The following ETV6 variants were observed in gnomAD, a reference collection of about 807,000 sequenced individuals.
ETV6 encodes the protein transcription factor ETV6.
In ETV6, 16 loss-of-function variants were observed where a neutral mutation model predicts 51.1. The ratio of observed to expected loss-of-function variants is 0.31; its 90% CI spans 0.21 to 0.48. The LOEUF (loss-of-function observed/expected upper bound fraction) is 0.48. Ranked by LOEUF, ETV6 falls within the 20% of genes least tolerant of loss-of-function variation. ETV6 has a pLI of 0.99. For synonymous variants in ETV6, 240 were observed against 224.1 expected (o/e 1.07, Z -0.64); for missense variants, 458 against 594.8 (o/e 0.77, Z 2.39).
chr12:11,672,999 A>G (rs1349416989), intron 1 of ETV6, among the ~76,000 whole-genome samples: 2 of 152,198 alleles, frequency 1.3e-5, no homozygotes, highest in African/African-American at 4.8e-5. Context: ...TAGCCTTTTC[A>G]CTGACTGGAG....
intron 2 of ETV6, among the ~76,000 whole-genome samples, chr12:11,826,913 C>T (rs937869414): frequency 6.6e-6 from 1 of 151,972 alleles, no homozygotes; most frequent in African/African-American, 2.4e-5. Flanking sequence ...GGATTAGTAA[C>T]CTTTACAACT....
In ETV6 at chr12:11,649,999, C is replaced by G; in HGVS notation, c.-129C>G. 1 of 890,192 alleles carries G rather than the reference C, an allele frequency of 1.1e-6. No homozygotes were observed. Among genetic ancestry groups the G allele is most frequent in the Non-Finnish European group, 1.8e-6 (1 of 545,890 alleles). 55.1% of individuals were successfully genotyped at this position (890,192 alleles called of 1,614,324 possible). A position where few individuals can be genotyped will look rare whatever the true frequency, so the allele number is the denominator to read the frequency against. On this transcript the variant is annotated 5_prime_UTR_variant, in exon 1 of 8. Coordinates refer to ENST00000396373, the MANE Select transcript of ETV6 (RefSeq NM_001987.5). The stretch of plus-strand genomic sequence containing the variant: ...GCGCTCCAGACCCCCGGGGCGGCTG[C>G]CGGGAGAGATGCTGGAAGAAACTTC...
Position 11,865,515 on chromosome 12 carries a change from G to A in ETV6, c.464-3909G>A, listed in dbSNP as rs1353237844. The stretch of plus-strand genomic sequence containing the variant: ...TCCCATCTGCAACCTTCTTGTGTGT[G>A]TGTTTGAGCAGTCCCTCTCTTCAGG... On this transcript the variant is annotated intron_variant, in intron 4 of 7. Coordinates refer to ENST00000396373, the MANE Select transcript of ETV6 (RefSeq NM_001987.5). Among the ~76,000 whole-genome samples the A allele has an allele frequency of 2.7e-5, 4 of 150,332 alleles. No individual in the cohort carries two copies. The East Asian group carries it at 7.8e-4, about 29-fold the overall frequency.
At chr12:11,650,504 A>C (rs2856307) in intron 1 of ETV6, among the ~76,000 whole-genome samples, 13,747 of 94,386 alleles carry the variant, frequency 0.15, 1,252 homozygotes, top group Middle Eastern at 0.24. Flanking sequence ...AACAAAAAAC[A>C]AAAAAAAAAA....
intron 1 of ETV6, among the ~76,000 whole-genome samples, chr12:11,731,061 T>C (rs528480396): frequency 2.1e-4 from 32 of 152,350 alleles, no homozygotes; most frequent in Admixed American, 2.1e-3. Flanking sequence ...TTTGTAGCAC[T>C]GCTCTTTGTG....
chr12:11,653,014 AC>A (rs1287640438), intron 1 of ETV6, among the ~76,000 whole-genome samples: 1 of 152,064 alleles, frequency 6.6e-6, no homozygotes, highest in African/African-American at 2.4e-5. Context: ...TCTACACGCG[AC>A]TTGCAGAAAG....
intron 1 of ETV6, among the ~76,000 whole-genome samples, chr12:11,694,615 C>A (rs1350807623): frequency 6.6e-6 from 1 of 152,178 alleles, no homozygotes; most frequent in Non-Finnish European, 1.5e-5. Context: ...AATATCTCCT[C>A]CCTATTAAAC....
chr12:11,790,608 A>G (rs959407291), intron 2 of ETV6, among the ~76,000 whole-genome samples: 1 of 150,898 alleles, frequency 6.6e-6, no homozygotes, highest in African/African-American at 2.4e-5. Flanking sequence ...TGGTCAACAT[A>G]TGCATGTTCT....
At chr12:11,735,086 C>CCTT (rs758819614) in intron 1 of ETV6, among the ~76,000 whole-genome samples, 2 of 76,230 alleles carry the variant, frequency 2.6e-5, no homozygotes, top group Non-Finnish European at 4.4e-5. Context: ...GCAAGGTGGC[C>CCTT]TTTTTTTTTT....
At chr12:11,831,838 G>C (rs1946250515) in intron 2 of ETV6, among the ~76,000 whole-genome samples, 1 of 152,080 alleles carries the variant, frequency 6.6e-6, no homozygotes, top group Non-Finnish European at 1.5e-5. Context: ...AAATAACACT[G>C]CAATAGACAT....
At chr12:11,732,448 G>A (rs1289071770) in intron 1 of ETV6, among the ~76,000 whole-genome samples, 2 of 152,192 alleles carry the variant, frequency 1.3e-5, no homozygotes, top group African/African-American at 2.4e-5. Context: ...GAAGCTGGAA[G>A]TAGAAAGCAG....
rs1946839770 is a variant in ETV6 at position 11,869,303 on chromosome 12, G to A, written c.464-121G>A. ...GCAGTGAAAAAGACACTGCATTCTG[G>A]GGAGAAAGGTCCTTTACACATACCT... On this transcript the variant is annotated intron_variant, in intron 4 of 7. Transcript: ENST00000396373. This position sits in a 1 kb window ranked among gnomAD's most constrained non-coding sequence, Gnocchi z 5.0. 1 of 827,362 alleles carries A rather than the reference G, an allele frequency of 1.2e-6. No individual in the cohort carries two copies. Among genetic ancestry groups the A allele is most frequent in the Non-Finnish European group, 1.9e-6 (1 of 523,962 alleles). The allele number at this position is 827,362 out of a possible 1,614,324, so 51.3% of individuals were successfully genotyped here. A position where few individuals can be genotyped will look rare whatever the true frequency, so the allele number is the denominator to read the frequency against.
chr12:11,674,615 TTGTGTGTGTG>T (rs5796457), intron 1 of ETV6, among the ~76,000 whole-genome samples: 34,820 of 133,152 alleles, frequency 0.26, 5,060 homozygotes, highest in South Asian at 0.36. Context: ...TAGGGGTTAT[TTGTGTGTGTG>T]TGTGTGTGTG....
intron 5 of ETV6, among the ~76,000 whole-genome samples, chr12:11,878,205 C>T (rs978948152): frequency 1.3e-5 from 2 of 152,174 alleles, no homozygotes; most frequent in African/African-American, 4.8e-5. Context: ...TGAGTCACTG[C>T]ATTTGATTTT....
chr12:11,865,703 G>GTA (rs1308502877), intron 4 of ETV6, among the ~76,000 whole-genome samples: 5 of 148,206 alleles, frequency 3.4e-5, no homozygotes, highest in Non-Finnish European at 7.4e-5. Flanking sequence ...TGGTGTGTGT[G>GTA]TATATATATA....
intron 2 of ETV6, among the ~76,000 whole-genome samples, chr12:11,817,602 C>G (rs1057003228): frequency 2.0e-5 from 3 of 152,184 alleles, no homozygotes; most frequent in Non-Finnish European, 4.4e-5. Flanking sequence ...AAAGACAGTA[C>G]TTGTAGGGTA....
chr12:11,880,491 C>T (rs1303574353), intron 5 of ETV6, among the ~76,000 whole-genome samples: 1 of 149,682 alleles, frequency 6.7e-6, no homozygotes, highest in Admixed American at 6.6e-5. Flanking sequence ...CAGCCCAGTG[C>T]AGGTTAAGCC....
Position 11,743,428 on chromosome 12 carries a change from C to A in ETV6, c.34-9022C>A, listed in dbSNP as rs1413198152. Among the ~76,000 whole-genome samples, 3 of 152,070 alleles carry A rather than the reference C, an allele frequency of 2.0e-5. No homozygotes were observed. The East Asian group carries it at 5.8e-4, about 29-fold the overall frequency. On this transcript the variant is annotated intron_variant, in intron 1 of 7. Transcript: ENST00000396373. ...GGAATTTCTTCAGTTTGACTGTGGT[C>A]CTGGTTGTAACCCAGCCTTCTTCCT... is the stretch of plus-strand genomic sequence containing the variant.
At chr12:11,803,921 C>A (rs1945789171) in intron 2 of ETV6, among the ~76,000 whole-genome samples, 4 of 152,014 alleles carry the variant, frequency 2.6e-5, no homozygotes, top group African/African-American at 7.2e-5. Context: ...TTATTAGTAT[C>A]ATCATCATCA....
Sources: gnomAD v4.1 joint callset for allele counts (sites outside exome capture counted in the v4.1 genomes callset) on GRCh38, gnomAD v4.1.1 for gene constraint, Gnocchi (gnomAD v3.1) non-coding constraint, MANE v1.5 for transcripts, NCBI Gene and HGNC (gene_info 2026-07-23, HGNC 2026-07-21) for gene names.